Variants in PINX1 observed in about 807,000 individuals in gnomAD.
The protein encoded by PINX1 is PIN2/TERF1-interacting telomerase inhibitor 1.
Under a neutral mutation model 25.4 loss-of-function variants are expected in PINX1, and 34 were observed. The ratio of observed to expected loss-of-function variants is 1.34; its 90% confidence interval spans 1.02 to 1.78. The LOEUF (loss-of-function observed/expected upper bound fraction) is 1.78, where lower values mean the gene tolerates loss of function less well. Ranked by LOEUF, PINX1 falls within the 40% of genes most tolerant of loss-of-function variation. PINX1 has a pLI of 0.00. For missense variants in PINX1, 592 were observed against 404.9 expected (o/e 1.46, Z -3.97); for synonymous variants, 197 against 147.7 (o/e 1.33, Z -2.42).
intron 6 of PINX1, among the ~76,000 whole-genome samples, chr8:10,818,779 G>C (rs923714426): frequency 6.6e-6 from 1 of 152,158 alleles, no homozygotes; most frequent in African/African-American, 2.4e-5. Flanking sequence ...CAGAGCAAAG[G>C]AGATGGAGTT....
intron 5 of PINX1, 97 bp downstream of exon 5, chr8:10,826,055 A>G: frequency 1.5e-6 from 1 of 650,764 alleles, no homozygotes; most frequent in Non-Finnish European, 2.7e-6. Context: ...CTGTCCATAA[A>G]GCATGAAGTC....
Position 10,765,239 on chromosome 8 carries a change from G to A in PINX1, c.*162C>T. 2 of 595,596 alleles carry A rather than the reference G, an allele frequency of 3.4e-6. No individual in the cohort carries two copies. The highest frequency in any genetic ancestry group is 4.4e-4 in the Middle Eastern group (1 of 2,248). 36.9% of individuals were successfully genotyped at this position (595,596 alleles called of 1,614,324 possible). A position where few individuals can be genotyped will look rare whatever the true frequency, so the allele number is the denominator to read the frequency against. ...AAAGGTCCTCCTGGGAATGTAACTT[G>A]GGGGAAATGTGGCGAGAGGGCAGGA... On this transcript the variant is annotated 3_prime_UTR_variant, in exon 7 of 7. Transcript: ENST00000314787.
intron 6 of PINX1, among the ~76,000 whole-genome samples, chr8:10,817,301 C>T (rs1045519385): frequency 5.3e-5 from 8 of 152,096 alleles, no homozygotes; most frequent in African/African-American, 1.7e-4. Context: ...GAGAGTCAAG[C>T]GAAGCAACAA....
rs1348076637 is a variant in PINX1 at position 10,765,510 on chromosome 8, G to A, written c.878C>T (p.Pro293Leu). 2.5e-6 allele frequency: 4 copies of A among 1,613,308 alleles called. No individual in the cohort carries two copies. The African/African-American group carries it at 5.3e-5, about 22-fold the overall frequency. The change falls in exon 7 of 7, where the codon CCC (proline) becomes CTC (leucine). Residue 293 changes from proline (P) to leucine (L), a missense_variant. Pro to Leu is a moderately conservative substitution (Grantham distance 98). Coordinates refer to ENST00000314787, the MANE Select transcript of PINX1 (RefSeq NM_017884.6). ...CTTTTTCTTCCCTCTCCTCTTTTTG[G>A]GCTTCAGGGTGAAGTCCCGGCCCTC... ...PPEGRDFTLK[P>L]KKRRGKKKLQ...
intron 6 of PINX1, among the ~76,000 whole-genome samples, chr8:10,779,204 G>T (rs1472424538): frequency 6.6e-6 from 1 of 152,224 alleles, no homozygotes. Flanking sequence ...TGCAGAGTCT[G>T]ACAGTGAGAT....
intron 6 of PINX1, among the ~76,000 whole-genome samples, chr8:10,766,937 C>T (rs894085181): frequency 1.3e-5 from 2 of 152,068 alleles, no homozygotes; most frequent in African/African-American, 2.4e-5. Flanking sequence ...GAAGTGCTTT[C>T]GGGTTGAAGA....
At chr8:10,775,969 C>G (rs1801379923) in intron 6 of PINX1, among the ~76,000 whole-genome samples, 1 of 152,164 alleles carries the variant, frequency 6.6e-6, no homozygotes, top group African/African-American at 2.4e-5. Flanking sequence ...ACCCTCCCCT[C>G]AAATCCCCTT....
chr8:10,815,613 G>A (rs892578577), intron 6 of PINX1, among the ~76,000 whole-genome samples: 7 of 152,130 alleles, frequency 4.6e-5, no homozygotes, highest in Non-Finnish European at 1.0e-4. Context: ...CACATGTTTT[G>A]CATGCAATTT....
intron 6 of PINX1, among the ~76,000 whole-genome samples, chr8:10,796,309 C>T (rs1295333027): frequency 2.0e-5 from 3 of 152,120 alleles, no homozygotes; most frequent in East Asian, 1.9e-4. Flanking sequence ...CACAGGATCC[C>T]CGGGGGGAAA....
intron 6 of PINX1, among the ~76,000 whole-genome samples, chr8:10,804,545 G>A (rs200827994): frequency 6.6e-6 from 1 of 152,114 alleles, no homozygotes; most frequent in Non-Finnish European, 1.5e-5. Flanking sequence ...AGCAGCATTG[G>A]AGAAGAGCCG....
intron 5 of PINX1, 79 bp downstream of exon 5, chr8:10,826,073 G>T: frequency 2.7e-6 from 2 of 729,992 alleles, no homozygotes; most frequent in Non-Finnish European, 4.7e-6. Flanking sequence ...GTCGCTATTG[G>T]CCCAGAGCTA....
intron 3 of PINX1, 83 bp from the exon 4 acceptor site, chr8:10,831,826 A>G: frequency 2.7e-6 from 2 of 752,922 alleles, no homozygotes; most frequent in Non-Finnish European, 4.6e-6. Context: ...GAATCAAGGA[A>G]ATCCAGTGGT....
intron 6 of PINX1, among the ~76,000 whole-genome samples, chr8:10,792,452 T>G (rs1169673452): frequency 6.6e-6 from 1 of 151,954 alleles, no homozygotes; most frequent in Non-Finnish European, 1.5e-5. Context: ...TCATTGACCG[T>G]CCCTCCCCCG....
At chr8:10,813,332 G>A (rs1797596181) in intron 6 of PINX1, among the ~76,000 whole-genome samples, 1 of 152,106 alleles carries the variant, frequency 6.6e-6, no homozygotes, top group Non-Finnish European at 1.5e-5. Flanking sequence ...TGAAAATTCA[G>A]AAAAGGAGAA....
chr8:10,836,538 T>C (rs1411156529), intron 1 of PINX1, among the ~76,000 whole-genome samples: 2 of 152,224 alleles, frequency 1.3e-5, no homozygotes, highest in East Asian at 1.9e-4. Context: ...AGTTAAGAAC[T>C]GCACACGCTT....
At chr8:10,803,885 T>C (rs1802349737) in intron 6 of PINX1, among the ~76,000 whole-genome samples, 2 of 152,354 alleles carry the variant, frequency 1.3e-5, no homozygotes, top group South Asian at 4.1e-4. Context: ...AAGGAGAAAC[T>C]TAATTCTTTC....
At chr8:10,775,079 T>G (rs1229678104) in intron 6 of PINX1, among the ~76,000 whole-genome samples, 1 of 152,208 alleles carries the variant, frequency 6.6e-6, no homozygotes, top group African/African-American at 2.4e-5. Flanking sequence ...CCAGTTACAC[T>G]GAGACTGTAA....
chr8:10,824,619 C>A (rs543732673), intron 5 of PINX1, among the ~76,000 whole-genome samples: 6 of 152,312 alleles, frequency 3.9e-5, no homozygotes, highest in Admixed American at 3.3e-4. Flanking sequence ...ATGCTCCCGG[C>A]ATCCATTAGA....
intron 6 of PINX1, among the ~76,000 whole-genome samples, chr8:10,768,875 T>A (rs1307336688): frequency 1.3e-5 from 2 of 152,216 alleles, no homozygotes; most frequent in East Asian, 1.9e-4. Flanking sequence ...TGCTTTTACA[T>A]CTGGTCTCTA....
Sources: allele counts gnomAD v4.1 joint callset (sites outside exome capture counted in the v4.1 genomes callset), GRCh38; gene constraint gnomAD v4.1.1; transcripts MANE v1.5; gene names NCBI Gene and HGNC (gene_info 2026-07-23, HGNC 2026-07-21).